IL7: variants seen among roughly 807,000 people sequenced by gnomAD.
The protein encoded by IL7 is interleukin 7.
IL7 carries 3 observed loss-of-function variants against 21.6 expected under a neutral mutation model. The observed-to-expected ratio is 0.14, with a 90% CI of 0.06 to 0.36. The LOEUF (loss-of-function observed/expected upper bound fraction) is 0.36. Ranked by LOEUF, IL7 falls within the 10% of genes least tolerant of loss-of-function variation. IL7 has a pLI of 1.00. For synonymous variants in IL7, 62 were observed against 68.1 expected (o/e 0.91, Z 0.44); for missense variants, 175 against 200.2 (o/e 0.87, Z 0.76).
intron 2 of IL7, among the ~76,000 whole-genome samples, chr8:78,763,998 A>C (rs986429431): frequency 1.3e-5 from 2 of 152,158 alleles, no homozygotes; most frequent in African/African-American, 4.8e-5. Flanking sequence ...CATCTACACC[A>C]CAATTGAGTG....
chr8:78,755,608 T>C (rs1156549235), intron 2 of IL7, among the ~76,000 whole-genome samples: 1 of 151,916 alleles, frequency 6.6e-6, no homozygotes, highest in East Asian at 1.9e-4. Flanking sequence ...GTAAATCAGA[T>C]TGCTTTCTTG....
intron 3 of IL7, among the ~76,000 whole-genome samples, chr8:78,696,248 A>T (rs1043043749): frequency 2.0e-5 from 3 of 152,026 alleles, no homozygotes; most frequent in Non-Finnish European, 4.4e-5. Context: ...GTTAGCCAGG[A>T]TGGTCTCGAT....
At chr8:78,746,673 A>G (rs1336496967) in intron 2 of IL7, among the ~76,000 whole-genome samples, 1 of 152,252 alleles carries the variant, frequency 6.6e-6, no homozygotes, top group African/African-American at 2.4e-5. Context: ...CTTATGACTT[A>G]GAATGAAACA....
chr8:78,683,410 G>T (rs1331041859), intron 4 of IL7, among the ~76,000 whole-genome samples: 1 of 152,202 alleles, frequency 6.6e-6, no homozygotes, highest in Admixed American at 6.5e-5. Context: ...GCACCTGTGG[G>T]CTCAACACCA....
intron 4 of IL7, among the ~76,000 whole-genome samples, chr8:78,684,527 G>C (rs1432448752): frequency 6.6e-6 from 1 of 152,142 alleles, no homozygotes; most frequent in East Asian, 1.9e-4. Flanking sequence ...TGAGATTTGG[G>C]TGGGGACACA....
At chr8:78,768,545 G>A (rs1406073297) in intron 2 of IL7, among the ~76,000 whole-genome samples, 1 of 150,424 alleles carries the variant, frequency 6.6e-6, no homozygotes, top group Non-Finnish European at 1.5e-5. Flanking sequence ...TTTTTCATGT[G>A]TTTTTTGGCT....
intron 3 of IL7, among the ~76,000 whole-genome samples, chr8:78,708,638 A>G (rs933169688): frequency 1.3e-5 from 2 of 151,930 alleles, no homozygotes; most frequent in African/African-American, 4.8e-5. Context: ...ACACCCAAGT[A>G]GAAAGTTTTT....
intron 1 of IL7, among the ~76,000 whole-genome samples, chr8:78,799,831 G>A (rs994786758): frequency 4.6e-5 from 7 of 151,956 alleles, no homozygotes; most frequent in African/African-American, 1.7e-4. Flanking sequence ...ATGAAGTTTT[G>A]CCTCTCTCTT....
chr8:78,675,075 CT>C (rs530185074), downstream of IL7, among the ~76,000 whole-genome samples: 79 of 149,908 alleles, frequency 5.3e-4, no homozygotes, highest in East Asian at 6.4e-3. Flanking sequence ...TTTGTAGTTT[CT>C]TTTTTTTTCT....
Position 78,708,609 on chromosome 8 carries a change from G to A in IL7, n.214+12739C>T, listed in dbSNP as rs919080933. ...TTTCTAGGTCAATTTTAACAGATTT[G>A]TTTAAAAAACAACAAAACACACCCA... On this transcript the variant is annotated intron_variant and non_coding_transcript_variant, in intron 3 of 4. Transcript: ENST00000523959. Among the ~76,000 whole-genome samples, 3 of 150,512 alleles carry A rather than the reference G, an allele frequency of 2.0e-5. 1 individual carries two copies. The highest frequency in any genetic ancestry group is 4.4e-5 in the Non-Finnish European group (3 of 67,680).
At chr8:78,762,531 C>A (rs1453337230) in intron 2 of IL7, 5 of 744,772 alleles carry the variant, frequency 6.7e-6, no homozygotes, top group Non-Finnish European at 9.3e-6. Flanking sequence ...GCCGGCCGGC[C>A]GGCTCGGCAG....
intron 3 of IL7, among the ~76,000 whole-genome samples, chr8:78,690,437 G>A (rs1255319845): frequency 6.6e-6 from 1 of 152,026 alleles, no homozygotes; most frequent in African/African-American, 2.4e-5. Flanking sequence ...GCGGGCGCCT[G>A]TAGTCCCAGC....
At chr8:78,765,697 T>C (rs1231886345) in intron 2 of IL7, among the ~76,000 whole-genome samples, 1 of 152,058 alleles carries the variant, frequency 6.6e-6, no homozygotes, top group Non-Finnish European at 1.5e-5. Flanking sequence ...CTGGCAAGGA[T>C]GTAAAGCAAA....
intron 4 of IL7, among the ~76,000 whole-genome samples, chr8:78,683,662 G>C (rs1288022772): frequency 6.6e-6 from 1 of 152,078 alleles, no homozygotes; most frequent in Non-Finnish European, 1.5e-5. Context: ...TTTTCCCTTT[G>C]TCTTGGTGAT....
At chr8:78,729,885 G>T (rs1405319736), downstream of IL7, among the ~76,000 whole-genome samples, 1 of 151,914 alleles carries the variant, frequency 6.6e-6, no homozygotes, top group Non-Finnish European at 1.5e-5. Flanking sequence ...GCAAACATAT[G>T]TCCCTCTCCC....
chr8:78,675,823 C>T (rs1036921787), exon 5 of IL7: 5 of 1,609,658 alleles, frequency 3.1e-6, no homozygotes, highest in Non-Finnish European at 4.2e-6. Flanking sequence ...GAATTGTTAC[C>T]TTGCAAGATT....
intron 2 of IL7, among the ~76,000 whole-genome samples, chr8:78,776,604 A>G (rs1813147067): frequency 6.6e-6 from 1 of 152,092 alleles, no homozygotes; most frequent in Admixed American, 6.6e-5. Flanking sequence ...GATGTGAGAT[A>G]GGAAATTTAG....
chr8:78,737,852 T>C (rs1046345998), intron 4 of IL7, among the ~76,000 whole-genome samples: 1 of 152,166 alleles, frequency 6.6e-6, no homozygotes, highest in Non-Finnish European at 1.5e-5. Flanking sequence ...GAAAACTTTT[T>C]AGTACTAAGC....
intron 3 of IL7, chr8:78,724,199 T>C (rs564970010): frequency 2.1e-4 from 32 of 152,246 alleles, no homozygotes; most frequent in African/African-American, 7.5e-4. Flanking sequence ...GGTTCTTTTT[T>C]CTTTCTCTTT....
Sources: allele counts gnomAD v4.1 joint callset (sites outside exome capture counted in the v4.1 genomes callset), GRCh38; gene constraint gnomAD v4.1.1; transcripts MANE v1.5; gene names NCBI Gene and HGNC (gene_info 2026-07-23, HGNC 2026-07-21).